VAC14: variants seen among roughly 807,000 people sequenced by gnomAD.
VAC14 encodes the protein VAC14 component of PIKFYVE complex.
VAC14 carries 47 observed loss-of-function variants against 85.3 expected under a neutral mutation model. That is an observed-to-expected ratio of 0.55 (90% CI 0.44 to 0.70). VAC14 has a LOEUF of 0.70. VAC14 is among the 30% of genes least tolerant of loss of function. The probability of loss-of-function intolerance (pLI) is 0.00; values close to 1 mark genes in which losing one functional copy is unlikely to be tolerated. For missense variants in VAC14, 861 were observed against 1,004.3 expected, an observed-to-expected ratio of 0.86 and a Z score of 1.93; for synonymous variants, 447 against 430.5, an observed-to-expected ratio of 1.04 and a Z score of -0.47.
chr16:70,801,065 C>G lies in VAC14; in HGVS notation c.-165G>C, dbSNP rs1027257371. 1.0e-5 allele frequency: 5 copies of G among 484,260 alleles called. No individual in the cohort carries two copies. Among genetic ancestry groups the G allele is most frequent in the Admixed American group, 8.8e-5 (2 of 22,772 alleles). 30.0% of individuals were successfully genotyped at this position (484,260 alleles called of 1,614,324 possible). On this transcript the variant is annotated 5_prime_UTR_variant, in exon 1 of 19. Coordinates refer to ENST00000261776, the MANE Select transcript of VAC14 (RefSeq NM_018052.5). ...GCCGCCTCGCCCTGGAACCCGGGCC[C>G]GGACCCCGCTCCAGCACACCTGACC...
intron 9 of VAC14, among the ~76,000 whole-genome samples, chr16:70,776,043 A>C (rs1032697567): frequency 1.3e-5 from 2 of 152,202 alleles, no homozygotes; most frequent in South Asian, 2.1e-4. Flanking sequence ...TTGCTATGAC[A>C]ATGAATGAGC....
intron 3 of VAC14, 22 bp downstream of exon 3, chr16:70,785,677 TGAG>T (rs754809591): frequency 3.8e-4 from 579 of 1,517,490 alleles, no homozygotes; most frequent in South Asian, 1.1e-3. Context: ...CGCAGCTCAG[TGAG>T]GAGGAGGAGG....
At chr16:70,717,183 C>T (rs1194586215) in intron 14 of VAC14, among the ~76,000 whole-genome samples, 1 of 152,260 alleles carries the variant, frequency 6.6e-6, no homozygotes, top group Non-Finnish European at 1.5e-5. Context: ...GCAATCAGCA[C>T]CAGCGCACTC....
chr16:70,780,955 T>G lies in VAC14; in HGVS notation c.947-16A>C. On this transcript the variant is annotated splice_polypyrimidine_tract_variant and intron_variant, in intron 8 of 18. Coordinates refer to ENST00000261776, the MANE Select transcript of VAC14 (RefSeq NM_018052.5). ...TCTTTGATGCCTGAGTCCACTGATG[T>G]AAGGAGCGTGATCTGATTTGGATGC... 6.2e-7 allele frequency: 1 copy of G among 1,613,938 alleles called. No individual in the cohort carries two copies. Among genetic ancestry groups the G allele is most frequent in the Non-Finnish European group, 8.5e-7 (1 of 1,179,952 alleles).
intron 12 of VAC14, among the ~76,000 whole-genome samples, chr16:70,754,548 G>C (rs778561923): frequency 6.6e-6 from 1 of 152,180 alleles, no homozygotes; most frequent in Non-Finnish European, 1.5e-5. Flanking sequence ...CCCAAAAGAA[G>C]CTGCAGGGAC....
chr16:70,744,278 C>G, intron 13 of VAC14, 145 bp downstream of exon 13: 2 of 1,205,008 alleles, frequency 1.7e-6, no homozygotes, highest in South Asian at 3.2e-5. Context: ...GGTGGGAGAT[C>G]GCCAGTAGCA....
At chr16:70,705,218 C>T (rs2053898840) in intron 14 of VAC14, among the ~76,000 whole-genome samples, 1 of 152,240 alleles carries the variant, frequency 6.6e-6, no homozygotes, top group Non-Finnish European at 1.5e-5. Flanking sequence ...CTGCCCTCCC[C>T]ACCCCTCCTT....
chr16:70,800,999 G>T lies in VAC14; in HGVS notation c.-99C>A. Reference sequence around the variant, plus strand: ...CGGCTCCGCTCTGCCCCCGGCGCCGGCGCATGGACCACGCCGCTCTAGGCT... The same window carrying T: ...CGGCTCCGCTCTGCCCCCGGCGCCGTCGCATGGACCACGCCGCTCTAGGCT... On this transcript the variant is annotated 5_prime_UTR_variant, in exon 1 of 19. Coordinates refer to ENST00000261776, the MANE Select transcript of VAC14 (RefSeq NM_018052.5). 1.3e-6 allele frequency: 1 copy of T among 776,020 alleles called. No homozygotes were observed. Among genetic ancestry groups the T allele is most frequent in the Non-Finnish European group, 1.9e-6 (1 of 528,226 alleles). 48.1% of individuals were successfully genotyped at this position (776,020 alleles called of 1,614,324 possible). A position where few individuals can be genotyped will look rare whatever the true frequency, so the allele number is the denominator to read the frequency against.
At chr16:70,753,695 G>A (rs1389170611) in intron 12 of VAC14, among the ~76,000 whole-genome samples, 1 of 152,196 alleles carries the variant, frequency 6.6e-6, no homozygotes, top group Non-Finnish European at 1.5e-5. Context: ...CTTGAGGGAC[G>A]ACTGAGGAAG....
intron 14 of VAC14, chr16:70,699,922 T>G (rs577200066): frequency 2.1e-4 from 32 of 152,320 alleles, no homozygotes; most frequent in Admixed American, 2.0e-3. Context: ...TAAGCTCCAG[T>G]GCCTGACGCC....
chr16:70,753,114 AC>A (rs1339303821), intron 12 of VAC14, among the ~76,000 whole-genome samples: 1 of 151,966 alleles, frequency 6.6e-6, no homozygotes, highest in Non-Finnish European at 1.5e-5. Context: ...AAGTTACTTA[AC>A]TTCTCCAGTT....
At chr16:70,748,649 A>C (rs900444533) in intron 12 of VAC14, among the ~76,000 whole-genome samples, 5 of 152,216 alleles carry the variant, frequency 3.3e-5, no homozygotes, top group Admixed American at 6.5e-5. Context: ...CAGATCTTCA[A>C]GAGCTCATGA....
Position 70,763,111 on chromosome 16 carries a change from C to A in VAC14, c.1161-86G>T, listed in dbSNP as rs2032539971. The A allele has an allele frequency of 3.8e-6, 6 of 1,576,354 alleles. No homozygotes were observed. In the Admixed American group the frequency reaches 5.2e-5, roughly 14 times the overall value. ...GTCATGGCACCACCCTGGGCCTGCA[C>A]ATCCTGAGTCACACACTGCTAACCA... On this transcript the variant is annotated intron_variant, in intron 10 of 18. Transcript: ENST00000261776.
At position 70,795,981 on chromosome 16, in the gene VAC14, T is replaced by A. The variant is rs559609161; in HGVS notation, c.104+4816A>T. 2.0e-5 allele frequency among the ~76,000 whole-genome samples: 3 copies of A among 152,252 alleles called. No homozygotes were observed. The South Asian group carries it at 6.2e-4, about 32-fold the overall frequency. On this transcript the variant is annotated intron_variant, in intron 1 of 18. Coordinates refer to ENST00000261776, the MANE Select transcript of VAC14 (RefSeq NM_018052.5). ...TGCCTGCTAGCATTTCTCCCCCACA[T>A]TAGACTCTTCTGGGAAGACAGCCTG...
intron 8 of VAC14, among the ~76,000 whole-genome samples, chr16:70,781,527 C>T (rs549181898): frequency 2.6e-5 from 4 of 152,046 alleles, no homozygotes; most frequent in Non-Finnish European, 5.9e-5. Flanking sequence ...CTGTGAAATG[C>T]GCCTATTTCT....
chr16:70,777,600 A>T, intron 9 of VAC14, among the ~76,000 whole-genome samples: 1 of 152,230 alleles, frequency 6.6e-6, no homozygotes, highest in East Asian at 1.9e-4. Context: ...GATGGCCCCA[A>T]GTGGCAGGCC....
rs188856842 is a variant in VAC14 at position 70,707,660 on chromosome 16, T to C, written c.1662-8849A>G. ...CTCACCCTAAGTTTGGGGCTTGCTCTAGAGAGCAAGTTGACTCCCGCTTTC... is the reference window on the plus strand; with the variant it reads ...CTCACCCTAAGTTTGGGGCTTGCTCCAGAGAGCAAGTTGACTCCCGCTTTC... On this transcript the variant is annotated intron_variant, in intron 14 of 18. Transcript: ENST00000261776. 1.6e-3 allele frequency among the ~76,000 whole-genome samples: 250 copies of C among 152,222 alleles called. 2 individuals carry two copies. In the South Asian group the frequency reaches 0.017, roughly 10 times the overall value.
chr16:70,741,392 G>A (rs1461830691), intron 13 of VAC14, among the ~76,000 whole-genome samples: 4 of 152,208 alleles, frequency 2.6e-5, no homozygotes, highest in African/African-American at 9.7e-5. Flanking sequence ...AGCGGAGGTG[G>A]GGGGGCGGGG....
At chr16:70,794,550 C>T (rs1028317010) in intron 1 of VAC14, among the ~76,000 whole-genome samples, 10 of 152,208 alleles carry the variant, frequency 6.6e-5, no homozygotes, top group African/African-American at 2.2e-4. Context: ...GTAAAACAGG[C>T]TCTGGTTAAT....
Sources: gnomAD v4.1 joint callset for allele counts (sites outside exome capture counted in the v4.1 genomes callset) on GRCh38, gnomAD v4.1.1 for gene constraint, MANE v1.5 for transcripts, NCBI Gene and HGNC (gene_info 2026-07-23, HGNC 2026-07-21) for gene names.